The following AASDH variants were observed in gnomAD, a reference collection of about 807,000 sequenced individuals.
The protein encoded by AASDH is aminoadipate-semialdehyde dehydrogenase, also known as beta-alanine-activating enzyme.
In AASDH, 81 loss-of-function variants were observed where a neutral mutation model predicts 102.3. The observed-to-expected ratio is 0.79, with a 90% CI of 0.66 to 0.95. The LOEUF is 0.95. AASDH is among the 40% of genes least tolerant of loss of function. The pLI is 0.00. For missense variants in AASDH, 1,203 were observed against 1,266.2 expected (o/e 0.95, Z 0.76); for synonymous variants, 398 against 454.0 (o/e 0.88, Z 1.57).
chr4:56,373,476 G>A (rs866359418), intron 4 of AASDH, among the ~76,000 whole-genome samples: 1 of 152,168 alleles, frequency 6.6e-6, no homozygotes, highest in Middle Eastern at 3.4e-3. Flanking sequence ...AGGGAGAGGG[G>A]TTCAGTTACT....
intron 2 of AASDH, among the ~76,000 whole-genome samples, chr4:56,383,631 T>C (rs1198868064): frequency 6.6e-6 from 1 of 152,224 alleles, no homozygotes; most frequent in Non-Finnish European, 1.5e-5. Flanking sequence ...AATGGGTTCA[T>C]ATTTCAATCT....
At chr4:56,374,814 A>AC (rs1247213625) in intron 4 of AASDH, among the ~76,000 whole-genome samples, 4 of 152,084 alleles carry the variant, frequency 2.6e-5, no homozygotes, top group African/African-American at 9.7e-5. Context: ...AAAGCTCTCC[A>AC]CCCCCATTTT....
chr4:56,375,754 C>T (rs1752261170), intron 4 of AASDH, among the ~76,000 whole-genome samples: 1 of 152,046 alleles, frequency 6.6e-6, no homozygotes, highest in Non-Finnish European at 1.5e-5. Context: ...TATGACTTGG[C>T]CTTCTGCTTC....
In AASDH at chr4:56,349,612, C is replaced by T. The variant is rs768769842; in HGVS notation, c.2139G>A (p.Gln713=). The change falls in exon 11 of 15, where the codon CAG becomes CAA. Residue 713 remains glutamine, a synonymous_variant. Transcript: ENST00000205214. ...SSACPSDSVS[Q]TNIQNLKGLN... The stretch of plus-strand genomic sequence containing the variant: ...AGCCTTTCAAATTTTGAATGTTGGT[C>T]TGTGAAACTGAGTCAGAAGGACAGG... 6.2e-7 allele frequency: 1 copy of T among 1,614,126 alleles called. No individual in the cohort carries two copies. Among genetic ancestry groups the T allele is most frequent in the Non-Finnish European group, 8.5e-7 (1 of 1,180,022 alleles).
intron 5 of AASDH, among the ~76,000 whole-genome samples, chr4:56,370,709 T>C (rs748817794): frequency 1.3e-5 from 2 of 152,232 alleles, no homozygotes; most frequent in Non-Finnish European, 2.9e-5. Context: ...GTTTATGGTA[T>C]TTTGTTACAG....
At chr4:56,342,790 T>C (rs1378017491) in intron 14 of AASDH, 45 bp downstream of exon 14, 6 of 761,366 alleles carry the variant, frequency 7.9e-6, no homozygotes, top group African/African-American at 1.9e-5. Flanking sequence ...TATACATTTA[T>C]ATATATATAA....
intron 4 of AASDH, among the ~76,000 whole-genome samples, chr4:56,372,939 A>G (rs554858041): frequency 2.6e-5 from 4 of 152,312 alleles, no homozygotes; most frequent in Non-Finnish European, 5.9e-5. Context: ...AATGAGTAAT[A>G]AACTGAGTGG....
intron 14 of AASDH, among the ~76,000 whole-genome samples, chr4:56,341,559 A>T (rs1215730543): frequency 1.5e-5 from 2 of 134,114 alleles, no homozygotes; most frequent in Non-Finnish European, 3.2e-5. Context: ...CACCCAGCTA[A>T]TTTTTTTTTT....
chr4:56,344,017 C>T (rs144193576), intron 12 of AASDH, among the ~76,000 whole-genome samples: 38 of 152,246 alleles, frequency 2.5e-4, no homozygotes, highest in African/African-American at 7.9e-4. Flanking sequence ...ATATTTTGCT[C>T]ACTGATTTTG....
intron 12 of AASDH, 53 bp downstream of exon 12, chr4:56,345,074 T>C (rs1351072494): frequency 3.8e-6 from 6 of 1,571,126 alleles, no homozygotes; most frequent in Non-Finnish European, 3.5e-6. Flanking sequence ...CTGGAGTAAC[T>C]ACCATTACAG....
chr4:56,370,816 C>A (rs1751605551), intron 5 of AASDH, among the ~76,000 whole-genome samples: 1 of 152,080 alleles, frequency 6.6e-6, no homozygotes, highest in African/African-American at 2.4e-5. Context: ...ACAGATAAAA[C>A]CTGAGGCTCA....
chr4:56,369,202 T>G (rs960580034), intron 5 of AASDH, among the ~76,000 whole-genome samples: 1 of 152,186 alleles, frequency 6.6e-6, no homozygotes, highest in Non-Finnish European at 1.5e-5. Flanking sequence ...CTAAAGTAAA[T>G]TTATCTGAGA....
In AASDH at chr4:56,354,738, T is replaced by C; in HGVS notation, c.1177A>G (p.Thr393Ala). ...ACTTGGCCACTGCCTTCCTGAATTG[T>C]GAAGCCATTAGTATCTCTGACTTCA... is the stretch of plus-strand genomic sequence containing the variant. ...VVEVRDTNGF[T>A]IQEGSGQVFL... The change falls in exon 7 of 15, where the codon ACA becomes GCA. Residue 393 changes from threonine to alanine, a missense_variant. Transcript: ENST00000205214. 3 of 1,608,648 alleles carry C rather than the reference T, an allele frequency of 1.9e-6. No homozygotes were observed. Among genetic ancestry groups the C allele is most frequent in the Non-Finnish European group, 2.5e-6 (3 of 1,177,696 alleles).
chr4:56,376,507 A>T (rs193086415), intron 4 of AASDH, among the ~76,000 whole-genome samples: 30 of 152,286 alleles, frequency 2.0e-4, no homozygotes. Context: ...GTCACTAAAG[A>T]CTATATTGTC....
At chr4:56,363,194 C>T (rs535445030) in intron 5 of AASDH, among the ~76,000 whole-genome samples, 6 of 152,296 alleles carry the variant, frequency 3.9e-5, no homozygotes, top group Admixed American at 2.0e-4. Context: ...CCACCATCGC[C>T]GAGGCTTGAG....
chr4:56,378,625 T>C (rs1192658107), intron 3 of AASDH, among the ~76,000 whole-genome samples, 161 bp from the exon 4 acceptor site: 1 of 152,182 alleles, frequency 6.6e-6, no homozygotes, highest in Non-Finnish European at 1.5e-5. Flanking sequence ...AAGTCCCTTA[T>C]ATAAAATGGT....
At chr4:56,343,902 G>C (rs940526256) in intron 12 of AASDH, among the ~76,000 whole-genome samples, 3 of 152,080 alleles carry the variant, frequency 2.0e-5, no homozygotes, top group Non-Finnish European at 4.4e-5. Context: ...TGATCTTTTT[G>C]GGGTATGGGT....
At chr4:56,355,065 C>G in intron 6 of AASDH, 117 bp downstream of exon 6, 5 of 1,263,008 alleles carry the variant, frequency 4.0e-6, no homozygotes, top group Admixed American at 5.5e-5. Flanking sequence ...CTTAAAATAT[C>G]AGATACAATC....
At chr4:56,373,138 GT>G (rs1199935121) in intron 4 of AASDH, among the ~76,000 whole-genome samples, 1 of 152,012 alleles carries the variant, frequency 6.6e-6, no homozygotes, top group Non-Finnish European at 1.5e-5. Context: ...TATATTTCTA[GT>G]TTTTTTGTTT....
Sources: allele counts gnomAD v4.1 joint callset (sites outside exome capture counted in the v4.1 genomes callset), GRCh38; gene constraint gnomAD v4.1.1; transcripts MANE v1.5; gene names NCBI Gene and HGNC (gene_info 2026-07-23, HGNC 2026-07-21).